The following IL1RAPL1 variants were observed in gnomAD, a reference collection of about 807,000 sequenced individuals.
IL1RAPL1 encodes the protein interleukin-1 receptor accessory protein-like 1.
Under a neutral mutation model 48.4 loss-of-function variants are expected in IL1RAPL1, and 3 were observed. The observed-to-expected ratio is 0.06, with a 90% CI of 0.03 to 0.16. The LOEUF is 0.16. Among genes scored for constraint, IL1RAPL1 ranks in the 10% least tolerant of loss-of-function variants. The probability of loss-of-function intolerance (pLI) is 1.00; values close to 1 mark genes in which losing one functional copy is unlikely to be tolerated. For missense variants in IL1RAPL1, 349 were observed against 530.6 expected (o/e 0.66, Z 3.36); for synonymous variants, 185 against 187.7 (o/e 0.99, Z 0.12).
chrX:28,918,626 A>C (rs1256103731), intron 2 of IL1RAPL1, among the ~76,000 whole-genome samples: 1 of 112,354 alleles, frequency 8.9e-6, no homozygotes, highest in Non-Finnish European at 1.9e-5. Context: ...ATGTCATGCA[A>C]GTGAAAACAG....
At chrX:28,612,403 C>A (rs936848982) in intron 1 of IL1RAPL1, among the ~76,000 whole-genome samples, 1 of 111,663 alleles carries the variant, frequency 9.0e-6, no homozygotes, top group South Asian at 3.8e-4. Flanking sequence ...CCGGGCGGGG[C>A]GTTTTAAATT....
intron 2 of IL1RAPL1, among the ~76,000 whole-genome samples, chrX:28,972,253 A>G (rs1601987494): frequency 9.0e-6 from 1 of 111,516 alleles, no homozygotes; most frequent in African/African-American, 3.3e-5. Flanking sequence ...AACAATAATA[A>G]TTATTATTAT....
intron 2 of IL1RAPL1, among the ~76,000 whole-genome samples, chrX:28,970,192 G>A (rs1247008602): frequency 1.8e-5 from 2 of 111,572 alleles, no homozygotes; most frequent in African/African-American, 6.5e-5. Context: ...AGTACAGATG[G>A]GGTTTCACCA....
intron 6 of IL1RAPL1, among the ~76,000 whole-genome samples, chrX:29,788,906 G>C (rs745397717): frequency 9.0e-6 from 1 of 111,660 alleles, no homozygotes; most frequent in African/African-American, 3.2e-5. Context: ...GTAATAGGCT[G>C]ATCCTAAAAT....
At chrX:29,544,884 G>A (rs907709078) in intron 5 of IL1RAPL1, among the ~76,000 whole-genome samples, 11 of 109,626 alleles carry the variant, frequency 1.0e-4, no homozygotes, top group African/African-American at 3.4e-4. Context: ...AGGTAATTAC[G>A]TTAAAAATGA....
chrX:29,583,310 T>G (rs1185955842), intron 5 of IL1RAPL1, among the ~76,000 whole-genome samples: 1 of 44,734 alleles, frequency 2.2e-5, no homozygotes, highest in Non-Finnish European at 4.0e-5. Flanking sequence ...ATTGTTTATC[T>G]AGAAAACCCC....
At chrX:29,894,062 G>A (rs995038519) in intron 6 of IL1RAPL1, among the ~76,000 whole-genome samples, 4 of 112,024 alleles carry the variant, frequency 3.6e-5, no homozygotes, top group African/African-American at 1.3e-4. Flanking sequence ...CGATTGTGAT[G>A]ATTTTTGCTT....
intron 2 of IL1RAPL1, among the ~76,000 whole-genome samples, chrX:28,979,197 G>T (rs1040717889): frequency 4.5e-5 from 5 of 111,662 alleles, no homozygotes; most frequent in African/African-American, 1.6e-4. Flanking sequence ...GTTGGAGAGG[G>T]TAACAGTTAG....
chrX:29,502,330 C>T (rs1285895396), intron 5 of IL1RAPL1, among the ~76,000 whole-genome samples: 1 of 111,071 alleles, frequency 9.0e-6, no homozygotes, highest in Non-Finnish European at 1.9e-5. Flanking sequence ...TGCCTAGTTG[C>T]TCTGTCTAGG....
rs1932552078 is a variant in IL1RAPL1 at position 29,903,858 on chromosome X, T to C, written c.779-13606T>C. On this transcript the variant is annotated intron_variant, in intron 6 of 10. Coordinates refer to ENST00000378993, the MANE Select transcript of IL1RAPL1 (RefSeq NM_014271.4). ...TTCTGCCAAAAAGGAGGCAGAAGCA[T>C]TTAGTGCAATTTACTGTGGCTTTTA... Among the ~76,000 whole-genome samples, 3 of 111,764 alleles carry C rather than the reference T, an allele frequency of 2.7e-5. No individual in the cohort carries two copies. In the Admixed American group the frequency reaches 2.9e-4, roughly 11 times the overall value.
chrX:29,035,498 C>G (rs1180811969), intron 2 of IL1RAPL1, among the ~76,000 whole-genome samples: 1 of 111,154 alleles, frequency 9.0e-6, no homozygotes, highest in Non-Finnish European at 1.9e-5. Flanking sequence ...TAGCATACAC[C>G]TAAGTTAACT....
chrX:29,422,219 C>T (rs1436938837), intron 5 of IL1RAPL1, among the ~76,000 whole-genome samples: 2 of 111,432 alleles, frequency 1.8e-5, no homozygotes. Flanking sequence ...GGTTAGTCTT[C>T]CACAGAGGGG....
intron 5 of IL1RAPL1, among the ~76,000 whole-genome samples, chrX:29,486,746 ATTTG>A (rs1319482633): frequency 9.1e-6 from 1 of 109,600 alleles, no homozygotes; most frequent in Non-Finnish European, 1.9e-5. Flanking sequence ...GCAGCTTTTT[ATTTG>A]TTTGTGGTGT....
At chrX:29,914,429 C>A (rs977847683) in intron 6 of IL1RAPL1, among the ~76,000 whole-genome samples, 3 of 111,186 alleles carry the variant, frequency 2.7e-5, no homozygotes, top group Non-Finnish European at 5.7e-5. Context: ...TTTTTAAGGT[C>A]CCATATTTAC....
intron 5 of IL1RAPL1, among the ~76,000 whole-genome samples, chrX:29,587,077 G>A (rs948307025): frequency 1.8e-5 from 2 of 110,951 alleles, no homozygotes; most frequent in East Asian, 2.8e-4. Flanking sequence ...TGCAGACATC[G>A]TTAGCCATGA....
chrX:29,846,801 T>TATATGTATATAC (rs1401475758), intron 6 of IL1RAPL1, among the ~76,000 whole-genome samples: 2 of 99,555 alleles, frequency 2.0e-5, no homozygotes, highest in African/African-American at 7.4e-5. Context: ...TATATGTATA[T>TATATGTATATAC]ACACACACAC....
intron 2 of IL1RAPL1, among the ~76,000 whole-genome samples, chrX:29,204,198 T>C: frequency 8.9e-6 from 1 of 112,042 alleles, no homozygotes; most frequent in South Asian, 3.7e-4. Flanking sequence ...GAATATCTCT[T>C]CAATATACTA....
intron 2 of IL1RAPL1, among the ~76,000 whole-genome samples, chrX:29,110,784 T>C (rs1421225755): frequency 9.0e-6 from 1 of 111,602 alleles, no homozygotes; most frequent in Non-Finnish European, 1.9e-5. Context: ...TTAAGTTTCT[T>C]TCATTGCTAT....
At chrX:28,601,699 T>C (rs1455387913) in intron 1 of IL1RAPL1, among the ~76,000 whole-genome samples, 1 of 110,811 alleles carries the variant, frequency 9.0e-6, no homozygotes, top group Non-Finnish European at 1.9e-5. Flanking sequence ...TTTTAAAAGA[T>C]CTGTCTTAAA....
Sources: allele counts gnomAD v4.1 joint callset (sites outside exome capture counted in the v4.1 genomes callset), GRCh38; gene constraint gnomAD v4.1.1; transcripts MANE v1.5; gene names NCBI Gene and HGNC (gene_info 2026-07-23, HGNC 2026-07-21).